The following ST3GAL3 variants were observed in gnomAD, a reference collection of about 807,000 sequenced individuals.
ST3GAL3 encodes the protein CMP-N-acetylneuraminate-beta-1,4-galactoside alpha-2,3-sialyltransferase.
Under a neutral mutation model 50.1 loss-of-function variants are expected in ST3GAL3, and 21 were observed. The observed-to-expected ratio is 0.42, with a 90% CI of 0.30 to 0.60. ST3GAL3 has a LOEUF of 0.60. Ranked by LOEUF, ST3GAL3 falls within the 20% of genes least tolerant of loss-of-function variation. The pLI is 0.19. For missense variants in ST3GAL3, 353 were observed against 489.4 expected, an observed-to-expected ratio of 0.72 and a Z score of 2.63; for synonymous variants, 183 against 190.0, an observed-to-expected ratio of 0.96 and a Z score of 0.30.
intron 1 of ST3GAL3, among the ~76,000 whole-genome samples, chr1:43,710,933 T>C (rs1013678205): frequency 1.1e-4 from 16 of 152,256 alleles, no homozygotes; most frequent in Admixed American, 2.6e-4. Flanking sequence ...TTTCAAGACA[T>C]AGACTGTCCT....
chr1:43,753,219 C>A (rs1686838353), intron 2 of ST3GAL3, among the ~76,000 whole-genome samples: 1 of 152,184 alleles, frequency 6.6e-6, no homozygotes, highest in South Asian at 2.1e-4. Context: ...CACGCGTGGG[C>A]ATGAGTTAGA....
At chr1:43,905,027 C>T (rs1301489438) in intron 9 of ST3GAL3, among the ~76,000 whole-genome samples, 1 of 135,332 alleles carries the variant, frequency 7.4e-6, no homozygotes, top group Non-Finnish European at 1.6e-5. Flanking sequence ...CACTCTTCCT[C>T]CTCCTCCCCC....
intron 5 of ST3GAL3, 187 bp from the exon 6 acceptor site, chr1:43,894,196 G>T: frequency 6.1e-6 from 4 of 658,784 alleles, no homozygotes; most frequent in Non-Finnish European, 8.3e-6. Flanking sequence ...TCAGACTCAG[G>T]CTCCACTGAA....
chr1:43,830,406 A>C (rs751801029), intron 4 of ST3GAL3, among the ~76,000 whole-genome samples: 3 of 152,120 alleles, frequency 2.0e-5, no homozygotes, highest in Non-Finnish European at 4.4e-5. Context: ...CATAGTATGT[A>C]TGTGTTTTCT....
At chr1:43,812,724 C>G (rs1158639758) in intron 3 of ST3GAL3, among the ~76,000 whole-genome samples, 1 of 152,204 alleles carries the variant, frequency 6.6e-6, no homozygotes, top group African/African-American at 2.4e-5. Flanking sequence ...CTTGGTCTCC[C>G]AAAGTGCTGG....
At chr1:43,855,674 T>G (rs1243913622) in intron 5 of ST3GAL3, among the ~76,000 whole-genome samples, 2 of 151,476 alleles carry the variant, frequency 1.3e-5, no homozygotes, top group Non-Finnish European at 3.0e-5. Flanking sequence ...TCCCAAAAAC[T>G]CTAAAACCCT....
At chr1:43,759,071 A>G (rs963856649) in intron 2 of ST3GAL3, among the ~76,000 whole-genome samples, 178 of 74,512 alleles carry the variant, frequency 2.4e-3, no homozygotes, top group Non-Finnish European at 4.4e-3. Flanking sequence ...GCGCGCACAC[A>G]CACACACACA....
intron 4 of ST3GAL3, among the ~76,000 whole-genome samples, chr1:43,822,384 G>A (rs2062216991): frequency 6.6e-6 from 1 of 152,206 alleles, no homozygotes; most frequent in African/African-American, 2.4e-5. Context: ...GAAAGCTCCT[G>A]TCTGCTGCCA....
intron 5 of ST3GAL3, among the ~76,000 whole-genome samples, chr1:43,880,743 T>A (rs1233858568): frequency 6.6e-6 from 1 of 152,166 alleles, no homozygotes; most frequent in Non-Finnish European, 1.5e-5. Context: ...AATAGTGTGT[T>A]CCCTAAGGGG....
chr1:43,788,373 C>T (rs76141558), intron 2 of ST3GAL3, among the ~76,000 whole-genome samples: 172 of 152,282 alleles, frequency 1.1e-3, no homozygotes, highest in African/African-American at 3.8e-3. Context: ...GTTGCTCATC[C>T]GGGCAGTCAG....
In ST3GAL3 at chr1:43,864,036, T is replaced by C. The variant is rs544647010; in HGVS notation, c.302+25725T>C. Among the ~76,000 whole-genome samples, 165 of 152,212 alleles carry C rather than the reference T, an allele frequency of 1.1e-3. 4 individuals are homozygous for C. Among genetic ancestry groups the C allele is most frequent in the Non-Finnish European group, 2.2e-4 (15 of 68,006 alleles). On this transcript the variant is annotated intron_variant, in intron 5 of 11. Coordinates refer to ENST00000347631, the MANE Select transcript of ST3GAL3 (RefSeq NM_006279.5). The stretch of plus-strand genomic sequence containing the variant: ...GCTCATGCCTGTAATCCCAGCACTT[T>C]GGGAGCTTGAGGCAGGCAGATCACC...
intron 9 of ST3GAL3, among the ~76,000 whole-genome samples, chr1:43,903,587 A>G (rs1209598787): frequency 3.3e-5 from 5 of 152,118 alleles, no homozygotes; most frequent in African/African-American, 1.2e-4. Context: ...GGGAAGAGAG[A>G]GGACAGGGCT....
intron 2 of ST3GAL3, chr1:43,736,962 T>TAC (rs1678763528): frequency 4.7e-6 from 1 of 214,230 alleles, no homozygotes; most frequent in Admixed American, 5.3e-5. Flanking sequence ...TCTCATGTGT[T>TAC]ACATAGTGTT....
chr1:43,775,930 C>T (rs1159535233), intron 2 of ST3GAL3, among the ~76,000 whole-genome samples: 1 of 152,114 alleles, frequency 6.6e-6, no homozygotes, highest in African/African-American at 2.4e-5. Context: ...GAGATTTGTC[C>T]ACAGTCAGCC....
intron 1 of ST3GAL3, among the ~76,000 whole-genome samples, chr1:43,719,569 G>A (rs912092213): frequency 6.6e-6 from 1 of 151,966 alleles, no homozygotes; most frequent in Non-Finnish European, 1.5e-5. Flanking sequence ...GGAGGCCGAG[G>A]CACGAGAATT....
In ST3GAL3 at chr1:43,930,190, G is replaced by A. The variant is rs572958701; in HGVS notation, c.1097G>A (p.Arg366His). 2.9e-5 allele frequency: 46 copies of A among 1,614,002 alleles called. 1 individual carries two copies. The highest frequency in any genetic ancestry group is 3.4e-4 in the Middle Eastern group (2 of 5,916). Reference protein sequence around the residue: ...KEFLRKLVKARVITDLSSGI With the variant: ...KEFLRKLVKAHVITDLSSGI ...TTTCTGCGGAAGCTGGTGAAAGCTC[G>A]CGTCATCACTGATCTAAGCAGTGGC... The change falls in exon 12 of 12, where the codon CGC (arginine) becomes CAC (histidine). Residue 366 changes from arginine to histidine, a missense_variant. By Grantham distance (29) the Arg-to-His change is conservative. Transcript: ENST00000347631.
chr1:43,756,613 A>G (rs1018825691), intron 2 of ST3GAL3, among the ~76,000 whole-genome samples: 1 of 152,150 alleles, frequency 6.6e-6, no homozygotes, highest in Non-Finnish European at 1.5e-5. Context: ...AGGAGGAGAG[A>G]CATAGTGAAA....
chr1:43,922,821 G>T (rs796271009), intron 11 of ST3GAL3, among the ~76,000 whole-genome samples: 35 of 144,168 alleles, frequency 2.4e-4, no homozygotes, highest in African/African-American at 8.2e-4. Flanking sequence ...AAAAAAAAAG[G>T]CCAGGCATGG....
intron 5 of ST3GAL3, among the ~76,000 whole-genome samples, chr1:43,874,659 A>G (rs188698822): frequency 1.4e-4 from 21 of 152,366 alleles, no homozygotes; most frequent in Admixed American, 1.2e-3. Context: ...GATAAGGTCT[A>G]GGGCACAAAA....
Sources: gnomAD v4.1 joint callset for allele counts (sites outside exome capture counted in the v4.1 genomes callset) on GRCh38, gnomAD v4.1.1 for gene constraint, MANE v1.5 for transcripts, NCBI Gene and HGNC (gene_info 2026-07-23, HGNC 2026-07-21) for gene names.